The following REPS1 variants were observed in gnomAD, a reference collection of about 807,000 sequenced individuals.
REPS1 encodes the protein ralBP1-associated Eps domain-containing protein 1.
REPS1 carries 39 observed loss-of-function variants against 100.9 expected under a neutral mutation model. The ratio of observed to expected loss-of-function variants is 0.39; its 90% CI spans 0.30 to 0.50. The LOEUF (loss-of-function observed/expected upper bound fraction) is 0.50. REPS1 is among the 20% of genes least tolerant of loss of function. The probability of loss-of-function intolerance (pLI) is 0.86; values close to 1 mark genes in which losing one functional copy is unlikely to be tolerated. For synonymous variants in REPS1, 324 were observed against 340.3 expected (o/e 0.95, Z 0.53); for missense variants, 821 against 968.5 (o/e 0.85, Z 2.02).
chr6:138,944,811 T>C (rs1582794792), intron 4 of REPS1, among the ~76,000 whole-genome samples, 189 bp from the exon 5 acceptor site: 1 of 152,240 alleles, frequency 6.6e-6, no homozygotes, highest in African/African-American at 2.4e-5. Flanking sequence ...ATAAAATGTA[T>C]GTAATATATA....
intron 17 of REPS1, among the ~76,000 whole-genome samples, chr6:138,909,552 G>T (rs6938764): frequency 0.15 from 22,547 of 152,166 alleles, 1,772 homozygotes; most frequent in African/African-American, 0.17. Flanking sequence ...GGTGTCCCCA[G>T]ATCTCACTTC....
rs71013004 is a variant in REPS1, at chr6:138,969,269, ATTTTTTTTTTT to A, written c.153+18250_153+18260del. 2.0e-4 allele frequency among the ~76,000 whole-genome samples: 15 copies of A among 74,250 alleles called. 2 individuals carry two copies. In the South Asian group the frequency reaches 3.6e-3, roughly 18 times the overall value. 48.7% of individuals were successfully genotyped at this position (74,250 alleles called of 152,430 possible). A position where few individuals can be genotyped will look rare whatever the true frequency, so the allele number is the denominator to read the frequency against. ...ACACAATCTATGATACAAAGCTGTA[ATTTTTTTTTTT>A]TTTTTTTTTTTTTTTTTGAGATAGC... On this transcript the variant is annotated intron_variant, in intron 1 of 19. Coordinates refer to ENST00000450536, the MANE Select transcript of REPS1 (RefSeq NM_001286611.2).
At chr6:138,913,007 G>A (rs1780113971) in intron 15 of REPS1, 57 bp from the exon 16 acceptor site, 1 of 1,435,594 alleles carries the variant, frequency 7.0e-7, no homozygotes, top group African/African-American at 1.4e-5. Context: ...CAGTGTCACA[G>A]AGTCATCTTC....
chr6:138,980,520 A>G (rs1784881355), intron 1 of REPS1, among the ~76,000 whole-genome samples: 1 of 151,544 alleles, frequency 6.6e-6, no homozygotes. Context: ...AGTTCTCTCT[A>G]TATGAAACAC....
At chr6:138,963,300 C>T (rs1783841919) in intron 1 of REPS1, among the ~76,000 whole-genome samples, 1 of 152,140 alleles carries the variant, frequency 6.6e-6, no homozygotes, top group South Asian at 2.1e-4. Flanking sequence ...CTAGTATTAT[C>T]CATGTATTAT....
rs917257200 is a variant in REPS1, at chr6:138,987,902, C to T, written c.-220G>A. On this transcript the variant is annotated 5_prime_UTR_variant, in exon 1 of 20. Transcript: ENST00000450536. ...TCGCCGCGCCGCTGCCTGCGAGGCC[C>T]GGCGCGCGGCTGCGGCTGCGGCTGC... 4.2e-5 allele frequency: 17 copies of T among 408,098 alleles called. No individual in the cohort carries two copies. Among genetic ancestry groups the T allele is most frequent in the Admixed American group, 9.3e-5 (2 of 21,464 alleles). The allele number at this position is 408,098 out of a possible 1,614,324, so 25.3% of individuals were successfully genotyped here.
At chr6:138,958,039 A>AT (rs1783509959) in intron 1 of REPS1, among the ~76,000 whole-genome samples, 1 of 152,226 alleles carries the variant, frequency 6.6e-6, no homozygotes, top group African/African-American at 2.4e-5. Context: ...TCAACTTAGA[A>AT]AAGTGTTAAC....
chr6:138,920,683 C>T (rs1780698724), intron 11 of REPS1, among the ~76,000 whole-genome samples: 1 of 152,132 alleles, frequency 6.6e-6, no homozygotes, highest in Non-Finnish European at 1.5e-5. Flanking sequence ...TAAAATGAGA[C>T]ATTCCAAGAG....
chr6:138,941,461 C>A lies in REPS1; in HGVS notation c.1009G>T (p.Ala337Ser), dbSNP rs1226908090. Residue 337 changes from alanine to serine, a missense_variant, in exon 8 of 20, where the codon GCA (alanine) becomes TCA (serine). Physicochemically the swap from Ala to Ser is moderately conservative, Grantham distance 99 (BLOSUM62 1). Coordinates refer to ENST00000450536, the MANE Select transcript of REPS1 (RefSeq NM_001286611.2). ...GCACAAAACTCATCCAGTGTCAATG[C>A]ACCATCTTTATCAAAGTCTGAGAGT... is the stretch of plus-strand genomic sequence containing the variant. ...WELSDFDKDG[A>S]LTLDEFCAAF... The A allele has an allele frequency of 5.6e-6, 9 of 1,613,904 alleles. No individual in the cohort carries two copies. Among genetic ancestry groups the A allele is most frequent in the Non-Finnish European group, 7.6e-6 (9 of 1,179,850 alleles).
chr6:138,920,064 T>G (rs1780650306), intron 12 of REPS1, 151 bp downstream of exon 12: 1 of 472,752 alleles, frequency 2.1e-6, no homozygotes, highest in African/African-American at 2.0e-5. Context: ...GGGCAACCAT[T>G]TATTCACTGA....
At chr6:138,911,832 A>T (rs1467303901) in intron 16 of REPS1, among the ~76,000 whole-genome samples, 3 of 149,734 alleles carry the variant, frequency 2.0e-5, no homozygotes, top group Admixed American at 2.0e-4. Context: ...TATGTAATAG[A>T]TGTGTGAGGG....
chr6:138,969,592 C>T (rs1169937930), intron 1 of REPS1, among the ~76,000 whole-genome samples: 1 of 151,624 alleles, frequency 6.6e-6, no homozygotes, highest in Non-Finnish European at 1.5e-5. Flanking sequence ...CCCAGCAAGG[C>T]TGTAATTTTA....
At chr6:138,983,695 C>G (rs1046397358) in intron 1 of REPS1, among the ~76,000 whole-genome samples, 7 of 152,190 alleles carry the variant, frequency 4.6e-5, no homozygotes, top group Admixed American at 2.6e-4. Flanking sequence ...CCGAAAACTA[C>G]TGTACCAACC....
intron 18 of REPS1, 28 bp downstream of exon 18, chr6:138,908,640 A>G (rs1190579385): frequency 6.2e-7 from 1 of 1,610,772 alleles, no homozygotes; most frequent in African/African-American, 1.3e-5. Context: ...CCTAGTAATT[A>G]AATGTGTCTA....
intron 10 of REPS1, among the ~76,000 whole-genome samples, chr6:138,921,976 AGTGTGTGTGTGT>A (rs71895504): frequency 3.4e-5 from 5 of 148,502 alleles, no homozygotes; most frequent in Non-Finnish European, 6.0e-5. Context: ...CATCTCAAAA[AGTGTGTGTGTGT>A]GTGTGTGTGT....
intron 15 of REPS1, among the ~76,000 whole-genome samples, chr6:138,913,755 G>A (rs1780172120): frequency 6.6e-6 from 1 of 152,178 alleles, no homozygotes; most frequent in South Asian, 2.1e-4. Context: ...CTGTTGTGCT[G>A]AACTAACTTG....
At chr6:138,917,393 T>C (rs1263831572) in intron 13 of REPS1, among the ~76,000 whole-genome samples, 162 bp downstream of exon 13, 1 of 152,256 alleles carries the variant, frequency 6.6e-6, no homozygotes, top group East Asian at 1.9e-4. Context: ...TGTTTTTCTA[T>C]TCAAGTTGGA....
At chr6:138,933,699 A>T (rs1304360960) in intron 8 of REPS1, among the ~76,000 whole-genome samples, 1 of 152,222 alleles carries the variant, frequency 6.6e-6, no homozygotes, top group East Asian at 1.9e-4. Flanking sequence ...TTTTTTCTTT[A>T]ATTTTGGAGA....
At chr6:138,909,566 T>C (rs890101220) in intron 17 of REPS1, among the ~76,000 whole-genome samples, 11 of 152,176 alleles carry the variant, frequency 7.2e-5, no homozygotes, top group African/African-American at 2.7e-4. Context: ...TCACTTCAAA[T>C]TGTAATCCCC....
Sources: allele counts gnomAD v4.1 joint callset (sites outside exome capture counted in the v4.1 genomes callset), GRCh38; gene constraint gnomAD v4.1.1; transcripts MANE v1.5; gene names NCBI Gene and HGNC (gene_info 2026-07-23, HGNC 2026-07-21).